Variants in SLC6A12 observed in about 807,000 individuals in gnomAD.
SLC6A12 encodes sodium- and chloride-dependent betaine transporter.
In SLC6A12, 50 loss-of-function variants were observed where a neutral mutation model predicts 73.3. The ratio of observed to expected loss-of-function variants is 0.68; its 90% CI spans 0.54 to 0.86. The LOEUF is 0.86. Among genes scored for constraint, SLC6A12 ranks in the 40% least tolerant of loss-of-function variants. The pLI is 0.00. For missense variants in SLC6A12, 648 were observed against 772.8 expected (o/e 0.84, Z 1.92); for synonymous variants, 304 against 309.2 (o/e 0.98, Z 0.18).
At chr12:187,209 C>CGAGATGAAAGTGTGCCCA (rs1387115457), downstream of SLC6A12, among the ~76,000 whole-genome samples, 5 of 152,188 alleles carry the variant, frequency 3.3e-5, no homozygotes, top group East Asian at 9.7e-4. Flanking sequence ...CCAAAGGAAA[C>CGAGATGAAAGTGTGCCCA]GAGATGAAAG....
chr12:189,249 C>T (rs1359171867), downstream of SLC6A12, among the ~76,000 whole-genome samples: 2 of 152,070 alleles, frequency 1.3e-5, no homozygotes, highest in Admixed American at 6.5e-5. Context: ...GGCGGGGACG[C>T]GGCGCTACTC....
chr12:193,169 G>C, intron 14 of SLC6A12, 108 bp downstream of exon 14: 2 of 792,284 alleles, frequency 2.5e-6, no homozygotes, highest in East Asian at 2.5e-5. Context: ...GGCCCCACGG[G>C]AGACTGGACA....
chr12:206,613 C>T (rs59243982), intron 3 of SLC6A12, among the ~76,000 whole-genome samples: 1,547 of 152,362 alleles, frequency 0.01, 20 homozygotes, highest in African/African-American at 0.031. Context: ...AAAAGGTTGT[C>T]TTCTGGATCC....
intron 13 of SLC6A12, 55 bp from the exon 14 acceptor site, chr12:193,432 C>T (rs936618839): frequency 3.1e-5 from 43 of 1,395,414 alleles, no homozygotes; most frequent in Admixed American, 2.9e-4. Flanking sequence ...AACAGCTTCC[C>T]GGTGTTTGGG....
chr12:187,496 A>G (rs1565461221), downstream of SLC6A12, among the ~76,000 whole-genome samples: 1 of 150,734 alleles, frequency 6.6e-6, no homozygotes, highest in Non-Finnish European at 1.5e-5. Flanking sequence ...TGGTTTCAGA[A>G]GTAAACCTGC....
downstream of SLC6A12, among the ~76,000 whole-genome samples, chr12:187,497 G>A (rs117538033): frequency 4.3e-4 from 65 of 149,624 alleles, 1 homozygote; most frequent in East Asian, 9.1e-3. Flanking sequence ...GGTTTCAGAA[G>A]TAAACCTGCA....
intron 5 of SLC6A12, 94 bp downstream of exon 5, chr12:202,646 G>A (rs1482410814): frequency 8.1e-6 from 11 of 1,362,006 alleles, no homozygotes; most frequent in Non-Finnish European, 1.0e-5. Context: ...GGCAGGTTCT[G>A]CTACACTTAT....
intron 5 of SLC6A12, 131 bp downstream of exon 5, chr12:202,609 C>A: frequency 2.3e-6 from 2 of 876,122 alleles, no homozygotes; most frequent in Non-Finnish European, 1.7e-6. Context: ...GCAGAGCTGC[C>A]CAGGAGCCCA....
At chr12:187,855 C>T (rs112652074), downstream of SLC6A12, among the ~76,000 whole-genome samples, 5,528 of 152,170 alleles carry the variant, frequency 0.036, 117 homozygotes, top group African/African-American at 0.054. Context: ...CACAAAGGTT[C>T]TCCAAGTCCC....
chr12:210,911 C>T lies in SLC6A12; in HGVS notation c.-57-868G>A, dbSNP rs559068258. On this transcript the variant is annotated intron_variant, in intron 2 of 15. Coordinates refer to ENST00000684302, the MANE Select transcript of SLC6A12 (RefSeq NM_001122848.3). ...GCTCCCTAGACCTCCAGAAAAGTGA[C>T]GTGGGGCATTCTTAGTTCTACTCTC... 2.4e-4 allele frequency among the ~76,000 whole-genome samples: 37 copies of T among 152,316 alleles called. No individual in the cohort carries two copies. In the South Asian group the frequency reaches 7.0e-3, roughly 29 times the overall value.
intron 11 of SLC6A12, 141 bp downstream of exon 11, chr12:196,629 C>T: frequency 1.5e-6 from 1 of 680,226 alleles, no homozygotes; most frequent in Non-Finnish European, 2.6e-6. Context: ...CACCCCCAAC[C>T]CCAAGGAAAA....
chr12:197,872 A>ACCCCCCCCCC, intron 9 of SLC6A12, 28 bp downstream of exon 9: 1 of 1,365,464 alleles, frequency 7.3e-7, no homozygotes, highest in South Asian at 1.2e-5. Flanking sequence ...ACCCTCCTTC[A>ACCCCCCCCCC]CCCCACCCCG....
intron 11 of SLC6A12, among the ~76,000 whole-genome samples, chr12:196,533 C>T (rs1207419703): frequency 3.3e-5 from 5 of 152,168 alleles, no homozygotes; most frequent in Admixed American, 2.6e-4. Context: ...GAAGGAACAT[C>T]TGGGAGGAAA....
chr12:186,035 C>T (rs2137089441), downstream of SLC6A12, among the ~76,000 whole-genome samples: 1 of 152,322 alleles, frequency 6.6e-6, no homozygotes. Flanking sequence ...GTCTTCACCT[C>T]CTCACAGCAA....
At chr12:188,333 C>T (rs1194455245), downstream of SLC6A12, among the ~76,000 whole-genome samples, 6 of 152,154 alleles carry the variant, frequency 3.9e-5, no homozygotes, top group Admixed American at 3.9e-4. Flanking sequence ...AAGCCCCTCA[C>T]TGCCCCGGGC....
At chr12:197,611 G>T in intron 9 of SLC6A12, 110 bp from the exon 10 acceptor site, 1 of 1,161,234 alleles carries the variant, frequency 8.6e-7, no homozygotes, top group Non-Finnish European at 1.2e-6. Context: ...ACCAAGGAGA[G>T]AGAAGGGGGA....
At chr12:193,520 C>G (rs540268697) in intron 13 of SLC6A12, 143 bp from the exon 14 acceptor site, 39 of 603,510 alleles carry the variant, frequency 6.5e-5, no homozygotes, top group Non-Finnish European at 9.2e-5. Context: ...GTGAGTGAGA[C>G]GCCTCCCTGA....
downstream of SLC6A12, among the ~76,000 whole-genome samples, chr12:186,011 G>T (rs1262937953): frequency 1.1e-4 from 17 of 152,212 alleles, no homozygotes; most frequent in Non-Finnish European, 2.5e-4. Flanking sequence ...AGGTGGCAGG[G>T]ACAGACACAG....
downstream of SLC6A12, among the ~76,000 whole-genome samples, chr12:186,571 G>T (rs187309990): frequency 6.6e-6 from 1 of 152,308 alleles, no homozygotes; most frequent in East Asian, 1.9e-4. Context: ...TTGGCCAGCT[G>T]GGAGGATACA....
Sources: gnomAD v4.1 joint callset for allele counts (sites outside exome capture counted in the v4.1 genomes callset) on GRCh38, gnomAD v4.1.1 for gene constraint, MANE v1.5 for transcripts, NCBI Gene and HGNC (gene_info 2026-07-23, HGNC 2026-07-21) for gene names.